FUT9: variants seen among roughly 807,000 people sequenced by gnomAD.
FUT9 encodes the protein 4-galactosyl-N-acetylglucosaminide 3-alpha-L-fucosyltransferase 9.
In FUT9, 15 loss-of-function variants were observed where a neutral mutation model predicts 29.7. The observed-to-expected ratio is 0.51, with a 90% CI of 0.34 to 0.78. The LOEUF (loss-of-function observed/expected upper bound fraction) is 0.78, where lower values mean the gene tolerates loss of function less well. Ranked by LOEUF, FUT9 falls within the 30% of genes least tolerant of loss-of-function variation. The probability of loss-of-function intolerance (pLI) is 0.01; values close to 1 mark genes in which losing one functional copy is unlikely to be tolerated. For missense variants in FUT9, 319 were observed against 425.4 expected, an observed-to-expected ratio of 0.75 and a Z score of 2.20; for synonymous variants, 169 against 153.7, an observed-to-expected ratio of 1.10 and a Z score of -0.74.
At chr6:96,036,175 C>A (rs1021043872) in intron 1 of FUT9, among the ~76,000 whole-genome samples, 22 of 148,288 alleles carry the variant, frequency 1.5e-4, no homozygotes, top group Non-Finnish European at 2.2e-4. Flanking sequence ...TATTTTGAGC[C>A]AAAACCTTTA....
intron 1 of FUT9, among the ~76,000 whole-genome samples, chr6:96,039,898 T>A (rs1363251111): frequency 6.6e-6 from 1 of 152,172 alleles, no homozygotes; most frequent in African/African-American, 2.4e-5. Flanking sequence ...AAGACTTTCT[T>A]GGCTTAAAAT....
At chr6:96,101,948 A>G (rs917222910) in intron 1 of FUT9, among the ~76,000 whole-genome samples, 5 of 152,058 alleles carry the variant, frequency 3.3e-5, no homozygotes, top group Non-Finnish European at 5.9e-5. Flanking sequence ...ATATGTTTAT[A>G]TATGAAGATA....
intron 2 of FUT9, among the ~76,000 whole-genome samples, chr6:96,121,670 T>G (rs1053176267): frequency 1.3e-5 from 2 of 152,166 alleles, no homozygotes; most frequent in South Asian, 2.1e-4. Context: ...TATTAAAAAA[T>G]TAATCTTCTC....
In FUT9 at chr6:96,101,536, G is replaced by A. The variant is rs144463441; in HGVS notation, c.-97-12503G>A. Among the ~76,000 whole-genome samples, 1,199 of 151,428 alleles carry A rather than the reference G, an allele frequency of 7.9e-3. 6 individuals carry two copies. The highest frequency in any genetic ancestry group is 0.012 in the African/African-American group (480 of 41,278). On this transcript the variant is annotated intron_variant, in intron 1 of 2. Transcript: ENST00000302103. ...TGCACTCCAGCCTGGGCAAACAAGA[G>A]TGAAACTGTCTTAAAAAAAAAAGAA...
At chr6:96,186,072 T>C (rs1429544522) in intron 2 of FUT9, among the ~76,000 whole-genome samples, 1 of 152,134 alleles carries the variant, frequency 6.6e-6, no homozygotes, top group African/African-American at 2.4e-5. Flanking sequence ...CCAAAAAGTA[T>C]GTTAATTAGT....
chr6:96,167,366 G>A (rs1442701929), intron 2 of FUT9, among the ~76,000 whole-genome samples: 1 of 152,176 alleles, frequency 6.6e-6, no homozygotes, highest in African/African-American at 2.4e-5. Context: ...AAGATGCAAA[G>A]AAGGAAACAA....
At chr6:96,129,779 ATTC>A (rs1256521258) in intron 2 of FUT9, among the ~76,000 whole-genome samples, 4 of 151,952 alleles carry the variant, frequency 2.6e-5, no homozygotes, top group Admixed American at 6.6e-5. Context: ...ATAAAAATAT[ATTC>A]TTCTATTACT....
At chr6:96,141,611 T>G (rs1772465434) in intron 2 of FUT9, among the ~76,000 whole-genome samples, 1 of 152,190 alleles carries the variant, frequency 6.6e-6, no homozygotes, top group Non-Finnish European at 1.5e-5. Flanking sequence ...AGAAGGCAGA[T>G]ATTCACAGAC....
chr6:96,113,692 A>C (rs1771854483), intron 1 of FUT9, among the ~76,000 whole-genome samples: 1 of 151,728 alleles, frequency 6.6e-6, no homozygotes, highest in Admixed American at 6.6e-5. Flanking sequence ...CTCTACTAAA[A>C]ATACAAAAAA....
At position 96,064,414 on chromosome 6, in the gene FUT9, C is replaced by A. The variant is rs568720525; in HGVS notation, c.-98+48202C>A. ...TTCATCACCCCATACTGGCAATGTA[C>A]AAAGAGAATGTGACTGACTTGCAGG... On this transcript the variant is annotated intron_variant, in intron 1 of 2. Coordinates refer to ENST00000302103, the MANE Select transcript of FUT9 (RefSeq NM_006581.4). Among the ~76,000 whole-genome samples, 4 of 152,026 alleles carry A rather than the reference C, an allele frequency of 2.6e-5. No homozygotes were observed. The East Asian group carries it at 7.8e-4, about 29-fold the overall frequency.
At chr6:96,136,620 T>C (rs1275165486) in intron 2 of FUT9, among the ~76,000 whole-genome samples, 1 of 151,992 alleles carries the variant, frequency 6.6e-6, no homozygotes, top group African/African-American at 2.4e-5. Flanking sequence ...GATCAGCAGA[T>C]ACAGAAAGAC....
intron 1 of FUT9, chr6:96,036,793 T>A (rs1770371760): frequency 6.6e-6 from 1 of 151,908 alleles, no homozygotes. Context: ...TTAATAATCA[T>A]CCCACCTTCC....
intron 1 of FUT9, chr6:96,020,752 C>T (rs193276486): frequency 2.6e-5 from 4 of 152,174 alleles, no homozygotes; most frequent in African/African-American, 9.6e-5. Flanking sequence ...CTGATGTAAA[C>T]TAGGGGAACC....
intron 1 of FUT9, among the ~76,000 whole-genome samples, chr6:96,103,654 A>G (rs1378245305): frequency 1.3e-5 from 2 of 152,112 alleles, no homozygotes; most frequent in Non-Finnish European, 2.9e-5. Flanking sequence ...TTCTTCTTTA[A>G]TAGACTTCTT....
Position 96,213,510 on chromosome 6 carries a change from A to G in FUT9, c.*9275A>G, listed in dbSNP as rs888430761. 6.0e-6 allele frequency: 1 copy of G among 166,862 alleles called. No individual in the cohort carries two copies. The highest frequency in any genetic ancestry group is 1.5e-5 in the Non-Finnish European group (1 of 68,016). 10.3% of individuals were successfully genotyped at this position (166,862 alleles called of 1,614,324 possible). Reference sequence around the variant, plus strand: ...CACTATTGTATTGTCATATTTAATCAAACTCTTAAAAATACCCTGAAACAT... The same window carrying G: ...CACTATTGTATTGTCATATTTAATCGAACTCTTAAAAATACCCTGAAACAT... On this transcript the variant is annotated 3_prime_UTR_variant, in exon 3 of 3. Transcript: ENST00000302103.
intron 1 of FUT9, among the ~76,000 whole-genome samples, chr6:96,032,218 ACTT>A: frequency 1.3e-5 from 2 of 151,624 alleles, no homozygotes; most frequent in Non-Finnish European, 3.0e-5. Context: ...GAGGAGTCGT[ACTT>A]ATTTTGTTAC....
chr6:96,080,366 G>A (rs1771214871), intron 1 of FUT9, among the ~76,000 whole-genome samples: 1 of 151,888 alleles, frequency 6.6e-6, no homozygotes, highest in Non-Finnish European at 1.5e-5. Flanking sequence ...GAGGAGTGAA[G>A]AGATCAATAA....
intron 1 of FUT9, among the ~76,000 whole-genome samples, chr6:96,021,932 A>G (rs1020018988): frequency 3.9e-5 from 6 of 152,036 alleles, no homozygotes; most frequent in African/African-American, 1.4e-4. Flanking sequence ...TATGTTCAAT[A>G]TTGGTTTACC....
intron 2 of FUT9, among the ~76,000 whole-genome samples, chr6:96,136,886 C>A (rs1772358258): frequency 1.3e-5 from 2 of 151,918 alleles, no homozygotes; most frequent in Non-Finnish European, 2.9e-5. Flanking sequence ...TTTAGTATCC[C>A]TTAAGAATAT....
Sources: gnomAD v4.1 joint callset for allele counts (sites outside exome capture counted in the v4.1 genomes callset) on GRCh38, gnomAD v4.1.1 for gene constraint, MANE v1.5 for transcripts, NCBI Gene and HGNC (gene_info 2026-07-23, HGNC 2026-07-21) for gene names.